Variants in C5orf63 observed in about 807,000 individuals in gnomAD.
C5orf63 encodes chromosome 5 open reading frame 63.
In C5orf63, 18 loss-of-function variants were observed where a neutral mutation model predicts 13.3. The ratio of observed to expected loss-of-function variants is 1.36; its 90% confidence interval spans 0.94 to 2.01. The LOEUF is 2.01. Ranked by LOEUF, C5orf63 falls within the 30% of genes most tolerant of loss-of-function variation. C5orf63 has a pLI of 0.00. For synonymous variants in C5orf63, 38 were observed against 44.7 expected, an observed-to-expected ratio of 0.85 and a Z score of 0.60; for missense variants, 118 against 127.7, an observed-to-expected ratio of 0.92 and a Z score of 0.36.
Position 127,058,964 on chromosome 5 carries a change from A to G in C5orf63, c.32T>C (p.Leu11Pro), listed in dbSNP as rs529537151. MLWFQGNSMQ[L>P]ARSSFGLFLR... ...GAAGAGTCCAAAGGAGGATCTGGCA[A>G]GTTGCATGCTATTTCCTTGAAACCA... The change falls in exon 3 of 5, where the codon CTT becomes CCT. Residue 11 changes from leucine (L) to proline (P), a missense_variant. By Grantham distance (98) the Leu-to-Pro change is moderately conservative. Transcript: ENST00000296662. 5.9e-6 allele frequency: 9 copies of G among 1,537,250 alleles called. No homozygotes were observed. Among genetic ancestry groups the G allele is most frequent in the Middle Eastern group, 1.7e-4 (1 of 5,990 alleles).
At chr5:127,057,886 T>A (rs955014374) in intron 3 of C5orf63, among the ~76,000 whole-genome samples, 1 of 152,322 alleles carries the variant, frequency 6.6e-6, no homozygotes, top group South Asian at 2.1e-4. Context: ...TGCTGGCTAG[T>A]GTTCCTAAGC....
At chr5:127,055,296 C>T (rs1200602678) in intron 3 of C5orf63, among the ~76,000 whole-genome samples, 1 of 152,106 alleles carries the variant, frequency 6.6e-6, no homozygotes, top group Non-Finnish European at 1.5e-5. Context: ...CCCGCATTGC[C>T]AAGACAATCC....
Position 127,060,675 on chromosome 5 carries a change from C to T in C5orf63, c.-7-1673G>A, listed in dbSNP as rs1346474854. Among the ~76,000 whole-genome samples the T allele has an allele frequency of 2.0e-5, 3 of 152,232 alleles. No individual in the cohort carries two copies. In the East Asian group the frequency reaches 5.8e-4, roughly 29 times the overall value. ...AGTTGCAACTGCAAAGTTTCTCTTT[C>T]TGTTCTTTGTATACCCAATATCATT... On this transcript the variant is annotated intron_variant, in intron 2 of 4. Coordinates refer to ENST00000296662, the MANE Select transcript of C5orf63 (RefSeq NM_001164478.2).
chr5:127,056,224 C>G (rs895638942), intron 3 of C5orf63, among the ~76,000 whole-genome samples: 1 of 152,124 alleles, frequency 6.6e-6, no homozygotes, highest in African/African-American at 2.4e-5. Context: ...CCAATCAGAG[C>G]CAGTGGGTAG....
chr5:127,054,925 G>T (rs1430979988), intron 3 of C5orf63, among the ~76,000 whole-genome samples: 1 of 152,164 alleles, frequency 6.6e-6, no homozygotes, highest in Non-Finnish European at 1.5e-5. Context: ...AAGGTGTAAG[G>T]AAGGGATCCA....
At chr5:127,052,582 T>C in intron 4 of C5orf63, 31 bp downstream of exon 4, 1 of 1,395,332 alleles carries the variant, frequency 7.2e-7, no homozygotes, top group Non-Finnish European at 9.3e-7. Flanking sequence ...ATGCAATCCA[T>C]ATACATAAAA....
At chr5:127,046,537 G>C (rs1050183727), downstream of C5orf63, 2 of 152,250 alleles carry the variant, frequency 1.3e-5, no homozygotes, top group Non-Finnish European at 2.9e-5. Context: ...ACATTCTTAA[G>C]CTTTTTGGAG....
At chr5:127,049,708 T>C (rs777288677), downstream of C5orf63, among the ~76,000 whole-genome samples, 14 of 152,256 alleles carry the variant, frequency 9.2e-5, no homozygotes, top group Non-Finnish European at 1.5e-4. Flanking sequence ...TTATCATACA[T>C]TTAGCAGTTT....
At chr5:127,062,442 CTT>C (rs767618817) in intron 2 of C5orf63, among the ~76,000 whole-genome samples, 37 of 152,278 alleles carry the variant, frequency 2.4e-4, no homozygotes, top group Non-Finnish European at 4.1e-4. Flanking sequence ...GTTAAATTAA[CTT>C]ATTTCTTTGG....
At chr5:127,069,716 C>T (rs959530282) in intron 2 of C5orf63, among the ~76,000 whole-genome samples, 2 of 152,170 alleles carry the variant, frequency 1.3e-5, no homozygotes, top group African/African-American at 4.8e-5. Context: ...TCTTGCTTGA[C>T]ATTAGGCTGT....
At chr5:127,044,490 G>A (rs1005390333), downstream of C5orf63, 1 of 152,092 alleles carries the variant, frequency 6.6e-6, no homozygotes, top group Non-Finnish European at 1.5e-5. Flanking sequence ...GATCGAATGA[G>A]GCCATTCTCT....
chr5:127,054,675 A>T (rs1291382636), intron 3 of C5orf63, among the ~76,000 whole-genome samples: 1 of 152,146 alleles, frequency 6.6e-6, no homozygotes, highest in East Asian at 1.9e-4. Flanking sequence ...ATTTTCTCCA[A>T]TTCAGTAGGT....
At chr5:127,067,718 A>G (rs998289397) in intron 2 of C5orf63, among the ~76,000 whole-genome samples, 4 of 152,180 alleles carry the variant, frequency 2.6e-5, no homozygotes, top group Non-Finnish European at 5.9e-5. Context: ...TTTCTCAAAC[A>G]GGGAAAAATT....
Position 127,051,621 on chromosome 5 carries a change from A to G in C5orf63, c.*150T>C. ...TCCCACACTGATACTTCCATCAACC[A>G]AAAGGGGAATGTCAACATTTATTTG... On this transcript the variant is annotated 3_prime_UTR_variant, in exon 5 of 5. Transcript: ENST00000296662. The G allele has an allele frequency of 7.8e-7, 1 of 1,288,354 alleles. No individual in the cohort carries two copies. The highest frequency in any genetic ancestry group is 9.8e-7 in the Non-Finnish European group (1 of 1,019,724). The allele number at this position is 1,288,354 out of a possible 1,614,324, so 79.8% of individuals were successfully genotyped here.
At chr5:127,042,627 C>A (rs1234945156), downstream of C5orf63, 2 of 150,940 alleles carry the variant, frequency 1.3e-5, no homozygotes, top group African/African-American at 4.9e-5. Context: ...ATATGCAAAA[C>A]CAGTCAGAAT....
At chr5:127,068,777 G>C (rs1318450022) in intron 2 of C5orf63, among the ~76,000 whole-genome samples, 1 of 152,222 alleles carries the variant, frequency 6.6e-6, no homozygotes, top group East Asian at 1.9e-4. Context: ...TAATGGGGTT[G>C]GTGCACATGA....
At chr5:127,070,080 TA>T in intron 2 of C5orf63, among the ~76,000 whole-genome samples, 1 of 152,148 alleles carries the variant, frequency 6.6e-6, no homozygotes, top group Non-Finnish European at 1.5e-5. Flanking sequence ...TCATTTTGTA[TA>T]AGGCTTAATT....
downstream of C5orf63, among the ~76,000 whole-genome samples, chr5:127,050,839 G>C (rs909335972): frequency 9.9e-5 from 15 of 152,162 alleles, no homozygotes; most frequent in African/African-American, 3.4e-4. Flanking sequence ...TGGAATTGCA[G>C]TGGTAAGATT....
At chr5:127,065,679 A>C (rs1396681256) in intron 2 of C5orf63, among the ~76,000 whole-genome samples, 1 of 152,208 alleles carries the variant, frequency 6.6e-6, no homozygotes, top group African/African-American at 2.4e-5. Context: ...CTTGGGAACC[A>C]CTGAAGGGTT....
Sources: gnomAD v4.1 joint callset for allele counts (sites outside exome capture counted in the v4.1 genomes callset) on GRCh38, gnomAD v4.1.1 for gene constraint, MANE v1.5 for transcripts, NCBI Gene and HGNC (gene_info 2026-07-23, HGNC 2026-07-21) for gene names.